The following TENM1 variants were observed in gnomAD, a reference collection of about 807,000 sequenced individuals.
TENM1 encodes the protein teneurin transmembrane protein 1, also known as teneurin-1.
A neutral mutation model predicts 174.8 loss-of-function variants in TENM1; 35 were observed. The observed-to-expected ratio is 0.20, with a 90% CI of 0.15 to 0.27. TENM1 has a LOEUF of 0.27. TENM1 is among the 10% of genes least tolerant of loss of function. The pLI is 1.00. For synonymous variants in TENM1, 781 were observed against 798.7 expected (o/e 0.98, Z 0.37); for missense variants, 1,633 against 2,130.1 (o/e 0.77, Z 4.59).
At chrX:124,588,650 AC>A (rs1251110291) in intron 11 of TENM1, among the ~76,000 whole-genome samples, 1 of 110,648 alleles carries the variant, frequency 9.0e-6, no homozygotes, top group African/African-American at 3.3e-5. Flanking sequence ...TATGTAACTA[AC>A]CTGCACATTG....
At chrX:124,714,590 G>A (rs1022652645) in intron 4 of TENM1, among the ~76,000 whole-genome samples, 1 of 111,707 alleles carries the variant, frequency 9.0e-6, no homozygotes, top group Admixed American at 9.5e-5. Context: ...TGAAAGTGAG[G>A]TAATTGTCAT....
At chrX:124,859,559 A>C (rs778149130) in intron 3 of TENM1, among the ~76,000 whole-genome samples, 2 of 109,102 alleles carry the variant, frequency 1.8e-5, no homozygotes, top group Non-Finnish European at 3.8e-5. Flanking sequence ...AAAAAAAAAA[A>C]CAAAAAGAAA....
intron 15 of TENM1, among the ~76,000 whole-genome samples, chrX:124,539,019 G>A (rs2048263911): frequency 2.7e-5 from 3 of 111,343 alleles, no homozygotes; most frequent in African/African-American, 9.8e-5. Flanking sequence ...GTTGGTCTGA[G>A]GTATTCAAAT....
chrX:124,942,384 C>T (rs745928101), intron 1 of TENM1, among the ~76,000 whole-genome samples: 93 of 111,791 alleles, frequency 8.3e-4, no homozygotes, highest in Admixed American at 2.3e-3. Flanking sequence ...AAATCCTCCC[C>T]ACTGGAGAGG....
chrX:124,992,988 G>C, the TENM1 span, among the ~76,000 whole-genome samples: 1 of 110,982 alleles, frequency 9.0e-6, no homozygotes, highest in African/African-American at 3.3e-5. Context: ...AAATAGACAA[G>C]ACTAGTGGCT....
At chrX:124,860,650 A>G (rs746463836) in intron 3 of TENM1, among the ~76,000 whole-genome samples, 1 of 111,901 alleles carries the variant, frequency 8.9e-6, no homozygotes, top group South Asian at 3.7e-4. Flanking sequence ...ATCTGGAACA[A>G]CTGAAACCCA....
chrX:124,525,082 C>T (rs764246349), intron 16 of TENM1, among the ~76,000 whole-genome samples: 23 of 111,748 alleles, frequency 2.1e-4, no homozygotes, highest in Non-Finnish European at 4.1e-4. Flanking sequence ...TCACTCTCTT[C>T]CTATGACATT....
intron 3 of TENM1, among the ~76,000 whole-genome samples, chrX:124,776,333 T>A (rs1427974340): frequency 9.0e-6 from 1 of 111,661 alleles, no homozygotes; most frequent in Non-Finnish European, 1.9e-5. Flanking sequence ...TAAATAAGCA[T>A]TGAATGTGGA....
At chrX:124,445,282 G>A (rs971370080) in intron 23 of TENM1, among the ~76,000 whole-genome samples, 1 of 111,664 alleles carries the variant, frequency 9.0e-6, no homozygotes, top group Admixed American at 9.5e-5. Context: ...ATCAGTCAGA[G>A]GTATTCAAAG....
chrX:124,893,788 C>A (rs192647416), intron 3 of TENM1, among the ~76,000 whole-genome samples: 1 of 105,184 alleles, frequency 9.5e-6, no homozygotes, highest in Non-Finnish European at 1.9e-5. Flanking sequence ...AGAGAATGAA[C>A]ATTTTTTTTT....
intron 5 of TENM1, among the ~76,000 whole-genome samples, chrX:124,678,551 T>C (rs2148448923): frequency 9.0e-6 from 1 of 111,638 alleles, no homozygotes; most frequent in Admixed American, 9.6e-5. Flanking sequence ...ATGAATAGTT[T>C]CATTGTTTTA....
At chrX:125,056,088 G>T in the TENM1 span, among the ~76,000 whole-genome samples, 1 of 109,271 alleles carries the variant, frequency 9.2e-6, no homozygotes, top group Non-Finnish European at 1.9e-5. Context: ...GTATATTTGC[G>T]TATGTTGCAG....
At chrX:125,149,707 G>A in the TENM1 span, among the ~76,000 whole-genome samples, 7 of 111,258 alleles carry the variant, frequency 6.3e-5, no homozygotes, top group East Asian at 2.0e-3. Flanking sequence ...TGGATATTGC[G>A]ATCATTGAAA....
chrX:124,791,873 T>C (rs965054631), intron 3 of TENM1, among the ~76,000 whole-genome samples: 9 of 111,500 alleles, frequency 8.1e-5, no homozygotes, highest in Non-Finnish European at 1.7e-4. Context: ...TGTGTGTGTG[T>C]GTGCATGTGT....
intron 23 of TENM1, among the ~76,000 whole-genome samples, chrX:124,428,900 T>A (rs2060747476): frequency 8.9e-6 from 1 of 111,834 alleles, no homozygotes; most frequent in Admixed American, 9.5e-5. Flanking sequence ...TATTTTGCTT[T>A]AAATTGACTT....
chrX:125,092,971 T>G, the TENM1 span, among the ~76,000 whole-genome samples: 1 of 112,261 alleles, frequency 8.9e-6, no homozygotes, highest in Non-Finnish European at 1.9e-5. Flanking sequence ...AATCTATTAA[T>G]GTAGCAACAA....
At chrX:124,696,874 C>CT (rs1217519076) in intron 5 of TENM1, among the ~76,000 whole-genome samples, 1 of 111,086 alleles carries the variant, frequency 9.0e-6, no homozygotes, top group African/African-American at 3.3e-5. Flanking sequence ...AGAGCAAAGT[C>CT]TTTGTCTGTG....
the TENM1 span, among the ~76,000 whole-genome samples, chrX:125,108,074 A>T: frequency 0.047 from 5,229 of 111,835 alleles, 326 homozygotes; most frequent in African/African-American, 0.16. Flanking sequence ...TAAATTTTCC[A>T]TCTCTGCTAA....
chrX:124,406,507 T>A lies in TENM1; in HGVS notation c.4983-18A>T. ...GGTCATACCTGAGGAATGTAACCAA[T>A]CCCAGCTTTGAAGCGTCTCGGCAGT... On this transcript the variant is annotated intron_variant, in intron 25 of 31. Coordinates refer to ENST00000422452, the Ensembl canonical transcript of TENM1. The A allele has an allele frequency of 8.7e-7, 1 of 1,150,806 alleles. No individual in the cohort carries two copies. Among genetic ancestry groups the A allele is most frequent in the Non-Finnish European group, 1.2e-6 (1 of 853,641 alleles). 94.8% of individuals were successfully genotyped at this position (1,150,806 alleles called of 1,213,427 possible).
Sources: allele counts gnomAD v4.1 joint callset (sites outside exome capture counted in the v4.1 genomes callset), GRCh38; gene constraint gnomAD v4.1.1; transcripts MANE v1.5; gene names NCBI Gene and HGNC (gene_info 2026-07-23, HGNC 2026-07-21).